Variants in ARHGEF3 observed in about 807,000 individuals in gnomAD.
The protein encoded by ARHGEF3 is Rho guanine nucleotide exchange factor 3, also known as 59.8 kDA protein.
ARHGEF3 carries 28 observed loss-of-function variants against 63.2 expected under a neutral mutation model. That is an observed-to-expected ratio of 0.44 (90% CI 0.33 to 0.61). The LOEUF (loss-of-function observed/expected upper bound fraction) is 0.61. Among genes scored for constraint, ARHGEF3 ranks in the 20% least tolerant of loss-of-function variants. The probability of loss-of-function intolerance (pLI) is 0.03; values close to 1 mark genes in which losing one functional copy is unlikely to be tolerated. For missense variants in ARHGEF3, 533 were observed against 659.3 expected, an observed-to-expected ratio of 0.81 and a Z score of 2.10; for synonymous variants, 266 against 254.2, an observed-to-expected ratio of 1.05 and a Z score of -0.44.
At chr3:56,989,538 G>C (rs1337023600) in intron 2 of ARHGEF3, among the ~76,000 whole-genome samples, 1 of 152,216 alleles carries the variant, frequency 6.6e-6, no homozygotes, top group Non-Finnish European at 1.5e-5. Context: ...GGGGCAGGGG[G>C]CTCCTGGTGG....
chr3:56,899,419 T>G (rs1208613364), intron 3 of ARHGEF3, among the ~76,000 whole-genome samples: 1 of 152,186 alleles, frequency 6.6e-6, no homozygotes, highest in African/African-American at 2.4e-5. Flanking sequence ...CCTTGAATAC[T>G]CCCCTAACGT....
chr3:56,733,560 T>C (rs1299223393), intron 8 of ARHGEF3, among the ~76,000 whole-genome samples: 1 of 152,082 alleles, frequency 6.6e-6, no homozygotes, highest in Non-Finnish European at 1.5e-5. Flanking sequence ...AATATTAATC[T>C]TTGCTTCCCA....
At chr3:56,902,341 G>T (rs891366058) in intron 3 of ARHGEF3, among the ~76,000 whole-genome samples, 3 of 152,128 alleles carry the variant, frequency 2.0e-5, no homozygotes, top group Non-Finnish European at 4.4e-5. Flanking sequence ...CGCGTGTGTG[G>T]ATAGATGGAT....
intron 3 of ARHGEF3, among the ~76,000 whole-genome samples, chr3:56,931,482 G>A (rs141703543): frequency 1.3e-5 from 2 of 150,342 alleles, no homozygotes; most frequent in African/African-American, 4.9e-5. Context: ...AGGCTGAGGT[G>A]GGAGGATCAC....
At chr3:56,806,559 G>A (rs2037868041), upstream of ARHGEF3, among the ~76,000 whole-genome samples, 1 of 152,258 alleles carries the variant, frequency 6.6e-6, no homozygotes, top group South Asian at 2.1e-4. Context: ...GAAATAAAGA[G>A]GGCTGTTCTG....
chr3:56,893,901 G>A (rs2108289561), intron 3 of ARHGEF3, among the ~76,000 whole-genome samples: 1 of 147,510 alleles, frequency 6.8e-6, no homozygotes, highest in South Asian at 2.1e-4. Context: ...AATCCTTACA[G>A]CTGTACAAAG....
At chr3:57,042,592 C>T (rs934692365) in intron 1 of ARHGEF3, among the ~76,000 whole-genome samples, 6 of 146,822 alleles carry the variant, frequency 4.1e-5, no homozygotes, top group Admixed American at 2.8e-4. Flanking sequence ...CCCCGCTCTC[C>T]AACCTGTCCC....
chr3:57,016,014 G>C (rs7624905), intron 2 of ARHGEF3, among the ~76,000 whole-genome samples: 48,851 of 151,886 alleles, frequency 0.32, 8,153 homozygotes, highest in African/African-American at 0.39. Context: ...CTCATATCCA[G>C]CAGGAAGTTC....
At chr3:56,934,492 T>C (rs1000649005) in intron 3 of ARHGEF3, among the ~76,000 whole-genome samples, 9 of 151,168 alleles carry the variant, frequency 6.0e-5, no homozygotes, top group African/African-American at 2.2e-4. Context: ...GAACTGGGGC[T>C]GCGTGCGGTG....
chr3:56,879,023 A>T (rs2040683301), intron 4 of ARHGEF3, among the ~76,000 whole-genome samples: 1 of 152,236 alleles, frequency 6.6e-6, no homozygotes, highest in African/African-American at 2.4e-5. Flanking sequence ...GTGAGATTCT[A>T]ATGCCTGATG....
intron 2 of ARHGEF3, among the ~76,000 whole-genome samples, chr3:56,761,966 GT>G (rs1278886212): frequency 6.6e-6 from 1 of 152,164 alleles, no homozygotes; most frequent in Non-Finnish European, 1.5e-5. Flanking sequence ...CCTGTAGAAA[GT>G]TTCTCAACCT....
rs561105546 is a variant in ARHGEF3 at position 56,844,012 on chromosome 3, T to C, written c.192+38280A>G. ...AATCTCAGACTCATCAATTGCAAAA[T>C]GAAGAGAATAATATCTACCTTTCCA... On this transcript the variant is annotated intron_variant, in intron 4 of 12. Transcript: ENST00000338458. 7.9e-5 allele frequency among the ~76,000 whole-genome samples: 12 copies of C among 152,208 alleles called. No homozygotes were observed. The South Asian group carries it at 2.5e-3, about 32-fold the overall frequency.
intron 1 of ARHGEF3, among the ~76,000 whole-genome samples, chr3:56,782,106 T>C (rs560365790): frequency 1.4e-4 from 21 of 152,186 alleles, no homozygotes; most frequent in Non-Finnish European, 2.5e-4. Context: ...TTTTTGGAAA[T>C]AGAAAAAGAT....
chr3:57,038,455 T>G (rs1381320927), intron 1 of ARHGEF3, among the ~76,000 whole-genome samples: 1 of 152,130 alleles, frequency 6.6e-6, no homozygotes, highest in Admixed American at 6.5e-5. Context: ...ATTGTTTTGT[T>G]TGTTTTTAAG....
chr3:56,735,396 C>G (rs1407340903), intron 8 of ARHGEF3, among the ~76,000 whole-genome samples: 1 of 151,922 alleles, frequency 6.6e-6, no homozygotes, highest in African/African-American at 2.4e-5. Flanking sequence ...TTTTTTCTGA[C>G]CCAAGACTTT....
intron 4 of ARHGEF3, among the ~76,000 whole-genome samples, chr3:56,820,436 T>C (rs2038438668): frequency 6.6e-6 from 1 of 151,822 alleles, no homozygotes; most frequent in Non-Finnish European, 1.5e-5. Context: ...GCCAGAAAAA[T>C]GACCTGGTTT....
At chr3:57,015,183 T>C (rs2107131809) in intron 2 of ARHGEF3, among the ~76,000 whole-genome samples, 1 of 152,300 alleles carries the variant, frequency 6.6e-6, no homozygotes, top group East Asian at 1.9e-4. Flanking sequence ...AGGACTGCTT[T>C]TGGCTACAAC....
In ARHGEF3 at chr3:56,728,967, G is replaced by C; in HGVS notation, c.*303C>G. On this transcript the variant is annotated 3_prime_UTR_variant, in exon 10 of 10. Transcript: ENST00000296315. ...AATCTATGTAAAACAGTAGTTTTGA[G>C]ATTCTTTTTCTATTTTTTTAAAATC... The C allele has an allele frequency of 3.5e-6, 1 of 282,964 alleles. No homozygotes were observed. The highest frequency in any genetic ancestry group is 6.6e-6 in the Non-Finnish European group (1 of 151,518). 17.5% of individuals were successfully genotyped at this position (282,964 alleles called of 1,614,324 possible).
At chr3:56,995,598 G>C (rs1351508115) in intron 2 of ARHGEF3, among the ~76,000 whole-genome samples, 1 of 143,958 alleles carries the variant, frequency 6.9e-6, no homozygotes, top group African/African-American at 2.6e-5. Context: ...TGACACTAGG[G>C]GGCAAAAGAG....
Sources: gnomAD v4.1 joint callset for allele counts (sites outside exome capture counted in the v4.1 genomes callset) on GRCh38, gnomAD v4.1.1 for gene constraint, MANE v1.5 for transcripts, NCBI Gene and HGNC (gene_info 2026-07-23, HGNC 2026-07-21) for gene names.